INPP4B: variants seen among roughly 807,000 people sequenced by gnomAD.
The protein encoded by INPP4B is inositol polyphosphate 4-phosphatase type II.
A neutral mutation model predicts 122.5 loss-of-function variants in INPP4B; 55 were observed. The observed-to-expected ratio is 0.45, with a 90% CI of 0.36 to 0.56. The LOEUF (loss-of-function observed/expected upper bound fraction) is 0.56, where lower values mean the gene tolerates loss of function less well. Among genes scored for constraint, INPP4B ranks in the 20% least tolerant of loss-of-function variants. INPP4B has a pLI of 0.00. For synonymous variants in INPP4B, 403 were observed against 388.7 expected (o/e 1.04, Z -0.43); for missense variants, 1,000 against 1,097.7 (o/e 0.91, Z 1.26).
intron 21 of INPP4B, among the ~76,000 whole-genome samples, chr4:142,116,461 T>C (rs1462655545): frequency 2.0e-5 from 3 of 152,102 alleles, no homozygotes; most frequent in African/African-American, 7.2e-5. Context: ...TAACAAACTG[T>C]CTCTCAGATC....
At chr4:142,432,577 C>A (rs1009243953) in intron 3 of INPP4B, among the ~76,000 whole-genome samples, 1 of 152,006 alleles carries the variant, frequency 6.6e-6, no homozygotes, top group Admixed American at 6.6e-5. Flanking sequence ...GCTTGAACAG[C>A]GATCATGCTT....
At chr4:142,143,461 T>G (rs895647857) in intron 18 of INPP4B, among the ~76,000 whole-genome samples, 7 of 152,102 alleles carry the variant, frequency 4.6e-5, no homozygotes, top group African/African-American at 1.4e-4. Context: ...ATGAGTTAAT[T>G]TTTCAATAAC....
At chr4:142,075,867 A>T (rs1294931400) in intron 25 of INPP4B, among the ~76,000 whole-genome samples, 1 of 152,094 alleles carries the variant, frequency 6.6e-6, no homozygotes, top group African/African-American at 2.4e-5. Flanking sequence ...TAGAATAAGG[A>T]ATTAACTCCA....
chr4:142,107,988 T>C lies in INPP4B; in HGVS notation c.2374+105A>G, dbSNP rs1158062011. 15 of 636,908 alleles carry C rather than the reference T, an allele frequency of 2.4e-5. No homozygotes were observed. In the Admixed American group the frequency reaches 4.7e-4, roughly 20 times the overall value. 39.5% of individuals were successfully genotyped at this position (636,908 alleles called of 1,614,324 possible). ...AGATAATTTCAAAATCACTCTCACATCCCTACCCCTGCTTCTGTAGTCCAC... is the reference window on the plus strand; with the variant it reads ...AGATAATTTCAAAATCACTCTCACACCCCTACCCCTGCTTCTGTAGTCCAC... On this transcript the variant is annotated intron_variant, in intron 23 of 25. Coordinates refer to ENST00000262992, the MANE Select transcript of INPP4B (RefSeq NM_001101669.3).
At chr4:142,030,140 G>A (rs1738875810) in intron 25 of INPP4B, 1 of 1,534,294 alleles carries the variant, frequency 6.5e-7, no homozygotes, top group Non-Finnish European at 8.7e-7. Context: ...ATTGGTATTT[G>A]GCTAAGAGTA....
chr4:142,060,246 C>T (rs549635479), intron 25 of INPP4B, among the ~76,000 whole-genome samples: 2 of 152,086 alleles, frequency 1.3e-5, no homozygotes, highest in South Asian at 4.2e-4. Flanking sequence ...TATATCCTAC[C>T]AAAAAACTCA....
chr4:142,118,727 G>C (rs1474579047), intron 21 of INPP4B, among the ~76,000 whole-genome samples: 1 of 152,086 alleles, frequency 6.6e-6, no homozygotes, highest in Non-Finnish European at 1.5e-5. Flanking sequence ...TCAGGACATA[G>C]GCATGGGCAA....
chr4:142,552,947 T>C (rs1052557724), intron 2 of INPP4B, among the ~76,000 whole-genome samples: 5 of 152,212 alleles, frequency 3.3e-5, no homozygotes, highest in African/African-American at 1.2e-4. Context: ...AAATAGCTTT[T>C]GTTTTGGAGA....
Position 142,795,041 on chromosome 4 carries a change from G to C in INPP4B, c.-254+51168C>G, listed in dbSNP as rs550451615. ...TGGACAAATATAATTCAGGAATAAA[G>C]TTGATTAATAAAGCATGGTATACTC... On this transcript the variant is annotated intron_variant, in intron 1 of 25. Transcript: ENST00000262992. 22 of 151,936 alleles carry C rather than the reference G, an allele frequency of 1.4e-4. No individual in the cohort carries two copies. In the South Asian group the frequency reaches 4.6e-3, roughly 32 times the overall value. The allele number at this position is 151,936 out of a possible 1,614,324, so 9.4% of individuals were successfully genotyped here. A position where few individuals can be genotyped will look rare whatever the true frequency, so the allele number is the denominator to read the frequency against.
chr4:142,312,612 A>C (rs1765937856), intron 8 of INPP4B, among the ~76,000 whole-genome samples: 1 of 152,180 alleles, frequency 6.6e-6, no homozygotes, highest in South Asian at 2.1e-4. Flanking sequence ...CATTTCTTCC[A>C]TGTGGGATGG....
At chr4:142,256,017 G>A (rs138934241) in intron 11 of INPP4B, among the ~76,000 whole-genome samples, 1 of 150,242 alleles carries the variant, frequency 6.7e-6, no homozygotes, top group Non-Finnish European at 1.5e-5. Flanking sequence ...TAAGACCACA[G>A]TGCAATCAAA....
At chr4:142,724,056 A>G (rs1026794924) in intron 2 of INPP4B, among the ~76,000 whole-genome samples, 1 of 152,158 alleles carries the variant, frequency 6.6e-6, no homozygotes, top group African/African-American at 2.4e-5. Context: ...TTTTGGCAAT[A>G]CACAGAATGA....
chr4:142,703,657 G>T (rs960873405), intron 2 of INPP4B, among the ~76,000 whole-genome samples: 1 of 152,136 alleles, frequency 6.6e-6, no homozygotes, highest in African/African-American at 2.4e-5. Flanking sequence ...ATGTCTCATC[G>T]TTTCTGAAAG....
intron 18 of INPP4B, among the ~76,000 whole-genome samples, chr4:142,129,248 A>G: frequency 6.6e-6 from 1 of 152,244 alleles, no homozygotes; most frequent in East Asian, 1.9e-4. Flanking sequence ...GTTTTCATCT[A>G]TGCCTGAACC....
chr4:142,183,909 AT>A (rs879799349), intron 15 of INPP4B, among the ~76,000 whole-genome samples: 104 of 151,378 alleles, frequency 6.9e-4, no homozygotes, highest in African/African-American at 2.3e-3. Flanking sequence ...CTTCTTGTTG[AT>A]TTTTTTTTCT....
intron 3 of INPP4B, among the ~76,000 whole-genome samples, chr4:142,447,172 A>G (rs558025551): frequency 6.6e-6 from 1 of 152,186 alleles, no homozygotes; most frequent in African/African-American, 2.4e-5. Flanking sequence ...ACAAGCAAGC[A>G]TGTGTCAAGG....
intron 1 of INPP4B, among the ~76,000 whole-genome samples, chr4:142,737,445 T>C (rs1767127975): frequency 6.6e-6 from 1 of 152,132 alleles, no homozygotes; most frequent in Non-Finnish European, 1.5e-5. Flanking sequence ...TCCTTACACC[T>C]TATACAAAAA....
chr4:142,084,635 C>T (rs1220878583), intron 24 of INPP4B, among the ~76,000 whole-genome samples: 4 of 152,106 alleles, frequency 2.6e-5, no homozygotes, highest in Non-Finnish European at 5.9e-5. Context: ...AACAGAAATG[C>T]TACTAATCAT....
intron 2 of INPP4B, among the ~76,000 whole-genome samples, chr4:142,668,485 G>C (rs1205438898): frequency 1.3e-5 from 2 of 152,074 alleles, no homozygotes; most frequent in Non-Finnish European, 2.9e-5. Context: ...CCTAGTACTA[G>C]AGTGCCTAGC....
Sources: gnomAD v4.1 joint callset for allele counts (sites outside exome capture counted in the v4.1 genomes callset) on GRCh38, gnomAD v4.1.1 for gene constraint, MANE v1.5 for transcripts, NCBI Gene and HGNC (gene_info 2026-07-23, HGNC 2026-07-21) for gene names.